The following SUCLG2 variants were observed in gnomAD, a reference collection of about 807,000 sequenced individuals.
SUCLG2 encodes the protein succinate--CoA ligase [GDP-forming] subunit beta, mitochondrial.
SUCLG2 carries 42 observed loss-of-function variants against 47.9 expected under a neutral mutation model. The observed-to-expected ratio is 0.88, with a 90% CI of 0.69 to 1.14. The LOEUF (loss-of-function observed/expected upper bound fraction) is 1.14. Ranked by LOEUF, SUCLG2 falls within the 50% of genes most tolerant of loss-of-function variation. SUCLG2 has a pLI of 0.00. For missense variants in SUCLG2, 571 were observed against 525.9 expected (o/e 1.09, Z -0.84); for synonymous variants, 195 against 197.3 (o/e 0.99, Z 0.10).
chr3:67,580,370 C>A (rs1228858718), intron 2 of SUCLG2, among the ~76,000 whole-genome samples: 2 of 152,152 alleles, frequency 1.3e-5, no homozygotes, highest in Non-Finnish European at 2.9e-5. Context: ...AAAGTGATTA[C>A]ATCTGGGTGG....
intron 2 of SUCLG2, among the ~76,000 whole-genome samples, chr3:67,544,317 T>C (rs1015793103): frequency 1.3e-5 from 2 of 152,172 alleles, no homozygotes; most frequent in African/African-American, 2.4e-5. Context: ...AATCCCCTGT[T>C]GTGAAGGGAG....
At chr3:67,422,182 A>G (rs1003552694) in intron 9 of SUCLG2, among the ~76,000 whole-genome samples, 1 of 151,424 alleles carries the variant, frequency 6.6e-6, no homozygotes, top group Non-Finnish European at 1.5e-5. Flanking sequence ...GTTTAAAAAA[A>G]GAACATTCAG....
chr3:67,527,477 A>G (rs1453716598), intron 4 of SUCLG2, among the ~76,000 whole-genome samples: 1 of 152,166 alleles, frequency 6.6e-6, no homozygotes, highest in East Asian at 1.9e-4. Context: ...CTGGATACAC[A>G]AAAGGGATGG....
chr3:67,638,988 T>C (rs1256953731), intron 1 of SUCLG2, among the ~76,000 whole-genome samples: 1 of 152,188 alleles, frequency 6.6e-6, no homozygotes, highest in Non-Finnish European at 1.5e-5. Context: ...AAAAAAATTA[T>C]CTAGATTAAC....
At chr3:67,641,509 ATG>A (rs1226275290) in intron 1 of SUCLG2, among the ~76,000 whole-genome samples, 2 of 152,232 alleles carry the variant, frequency 1.3e-5, no homozygotes, top group African/African-American at 4.8e-5. Flanking sequence ...ACAATTTCAG[ATG>A]TGTTTGATCA....
At chr3:67,515,951 C>T (rs1705932981) in intron 6 of SUCLG2, among the ~76,000 whole-genome samples, 1 of 152,132 alleles carries the variant, frequency 6.6e-6, no homozygotes. Context: ...TCTCCCTCTG[C>T]CCGCTGCCCC....
intron 9 of SUCLG2, among the ~76,000 whole-genome samples, chr3:67,401,462 G>C (rs74355254): frequency 0.07 from 10,618 of 151,520 alleles, 380 homozygotes; most frequent in Middle Eastern, 0.14. Context: ...GCATAAGTAA[G>C]AATGTAAGGA....
chr3:67,620,584 C>CAAAAAAAAAAAAAA (rs71109890), intron 1 of SUCLG2, among the ~76,000 whole-genome samples: 6 of 63,480 alleles, frequency 9.5e-5, no homozygotes, highest in Admixed American at 2.1e-4. Flanking sequence ...GACTCCATCT[C>CAAAAAAAAAAAAAA]AAAAAAAAAA....
At chr3:67,425,756 C>A (rs1703284816) in intron 9 of SUCLG2, among the ~76,000 whole-genome samples, 1 of 152,140 alleles carries the variant, frequency 6.6e-6, no homozygotes, top group South Asian at 2.1e-4. Context: ...TGAGCCAATA[C>A]CTTATAATAA....
chr3:67,474,398 G>C (rs1575720734), intron 9 of SUCLG2, among the ~76,000 whole-genome samples: 1 of 152,258 alleles, frequency 6.6e-6, no homozygotes, highest in Non-Finnish European at 1.5e-5. Context: ...AAGCTTATTT[G>C]CTACTTTTTC....
chr3:67,634,045 A>C (rs1003806659), intron 1 of SUCLG2, among the ~76,000 whole-genome samples: 1 of 152,238 alleles, frequency 6.6e-6, no homozygotes. Flanking sequence ...GGTTGAATAC[A>C]GAACAGAGCT....
At chr3:67,626,998 G>A (rs1320699558) in intron 1 of SUCLG2, among the ~76,000 whole-genome samples, 1 of 149,690 alleles carries the variant, frequency 6.7e-6, no homozygotes, top group African/African-American at 2.5e-5. Context: ...TCAACTAGAA[G>A]TTTGAAATGT....
intron 9 of SUCLG2, among the ~76,000 whole-genome samples, chr3:67,420,547 A>T (rs1178805806): frequency 6.6e-6 from 1 of 152,178 alleles, no homozygotes; most frequent in Non-Finnish European, 1.5e-5. Flanking sequence ...CTGATTTGCA[A>T]AAGTCCATAC....
chr3:67,508,398 G>A (rs976368149), intron 7 of SUCLG2, among the ~76,000 whole-genome samples: 1 of 152,092 alleles, frequency 6.6e-6, no homozygotes, highest in Non-Finnish European at 1.5e-5. Flanking sequence ...GAGAGAAAGA[G>A]GTGAACGAAT....
At chr3:67,399,182 TAAAAAA>T (rs150131579) in intron 10 of SUCLG2, among the ~76,000 whole-genome samples, 7,092 of 150,526 alleles carry the variant, frequency 0.047, 504 homozygotes, top group African/African-American at 0.16. Context: ...AATAATAAAA[TAAAAAA>T]AAAGAAAAAA....
intron 4 of SUCLG2, among the ~76,000 whole-genome samples, chr3:67,522,605 A>G (rs1338921127): frequency 6.6e-6 from 1 of 151,978 alleles, no homozygotes; most frequent in Non-Finnish European, 1.5e-5. Flanking sequence ...AAACAATCCC[A>G]TAAATAATCA....
intron 9 of SUCLG2, among the ~76,000 whole-genome samples, chr3:67,460,411 A>T (rs534449274): frequency 2.0e-5 from 3 of 152,208 alleles, no homozygotes; most frequent in Non-Finnish European, 2.9e-5. Flanking sequence ...ATAATACCTT[A>T]TTCTCATCAA....
At chr3:67,454,473 A>G (rs750208733) in intron 9 of SUCLG2, among the ~76,000 whole-genome samples, 7 of 152,036 alleles carry the variant, frequency 4.6e-5, no homozygotes, top group Non-Finnish European at 8.8e-5. Context: ...CTTTAGTAGT[A>G]TTTAACGATT....
intron 9 of SUCLG2, among the ~76,000 whole-genome samples, chr3:67,434,331 G>T (rs1703562956): frequency 6.6e-6 from 1 of 152,154 alleles, no homozygotes; most frequent in Non-Finnish European, 1.5e-5. Flanking sequence ...CTTGAGACCA[G>T]GCTGGGAAAC....
Sources: gnomAD v4.1 joint callset for allele counts (sites outside exome capture counted in the v4.1 genomes callset) on GRCh38, gnomAD v4.1.1 for gene constraint, MANE v1.5 for transcripts, NCBI Gene and HGNC (gene_info 2026-07-23, HGNC 2026-07-21) for gene names.